The following PDS5A variants were observed in gnomAD, a reference collection of about 807,000 sequenced individuals.
The protein encoded by PDS5A is PDS5 cohesin associated factor A, also known as sister chromatid cohesion protein PDS5 homolog A.
Under a neutral mutation model 167.1 loss-of-function variants are expected in PDS5A, and 42 were observed. That is an observed-to-expected ratio of 0.25 (90% CI 0.20 to 0.33). The LOEUF (loss-of-function observed/expected upper bound fraction) is 0.33, where lower values mean the gene tolerates loss of function less well. Ranked by LOEUF, PDS5A falls within the 10% of genes least tolerant of loss-of-function variation. The pLI is 1.00. For missense variants in PDS5A, 1,033 were observed against 1,605.9 expected, an observed-to-expected ratio of 0.64 and a Z score of 6.10; for synonymous variants, 553 against 554.6, an observed-to-expected ratio of 1.00 and a Z score of 0.04.
chr4:39,875,774 T>C (rs1720412162), intron 19 of PDS5A, among the ~76,000 whole-genome samples: 1 of 152,188 alleles, frequency 6.6e-6, no homozygotes, highest in South Asian at 2.1e-4. Context: ...CTGTTTAGTC[T>C]TTCACCATTC....
chr4:39,892,093 C>CAAAACAA (rs1295633701), intron 16 of PDS5A, among the ~76,000 whole-genome samples: 5 of 151,148 alleles, frequency 3.3e-5, no homozygotes, highest in African/African-American at 1.2e-4. Context: ...GACTCTGTCT[C>CAAAACAA]AAAACAAAAA....
chr4:39,889,230 GAC>G (rs1230326988), intron 17 of PDS5A, among the ~76,000 whole-genome samples: 1 of 152,214 alleles, frequency 6.6e-6, no homozygotes, highest in Non-Finnish European at 1.5e-5. Flanking sequence ...ACCACAAGAG[GAC>G]ACAGTGAGAA....
At chr4:39,968,663 C>T (rs1411355838) in intron 2 of PDS5A, among the ~76,000 whole-genome samples, 2 of 151,758 alleles carry the variant, frequency 1.3e-5, no homozygotes, top group Non-Finnish European at 2.9e-5. Flanking sequence ...AACTCCCGAC[C>T]TCAGGTGATT....
chr4:39,857,735 G>A (rs1473032155), intron 26 of PDS5A, among the ~76,000 whole-genome samples: 1 of 152,092 alleles, frequency 6.6e-6, no homozygotes, highest in Non-Finnish European at 1.5e-5. Context: ...AAACAAGAAA[G>A]TCCCCCAATC....
chr4:39,949,408 G>A (rs552396138), intron 2 of PDS5A, among the ~76,000 whole-genome samples: 10 of 151,034 alleles, frequency 6.6e-5, no homozygotes, highest in Non-Finnish European at 1.3e-4. Context: ...CCATTTATAT[G>A]AAATGTCCAG....
At chr4:39,970,877 A>G (rs962356086) in intron 2 of PDS5A, among the ~76,000 whole-genome samples, 1 of 138,558 alleles carries the variant, frequency 7.2e-6, no homozygotes, top group African/African-American at 2.7e-5. Context: ...GGTTCACTGC[A>G]GCCCTGACCT....
At position 39,823,809 on chromosome 4, in the gene PDS5A, G is replaced by A. The variant is rs759713634; in HGVS notation, c.*1676C>T. 6.6e-6 allele frequency: 1 copy of A among 152,606 alleles called. No homozygotes were observed. The highest frequency in any genetic ancestry group is 1.5e-5 in the Non-Finnish European group (1 of 68,042). 9.5% of individuals were successfully genotyped at this position (152,606 alleles called of 1,614,324 possible). ...AGCATCTTCTGATACCTAAATGTGT[G>A]TAAATGCATATTTAAAATAATTACC... On this transcript the variant is annotated 3_prime_UTR_variant, in exon 33 of 33. Coordinates refer to ENST00000303538, the MANE Select transcript of PDS5A (RefSeq NM_001100399.2).
intron 2 of PDS5A, among the ~76,000 whole-genome samples, chr4:39,962,911 A>T (rs1167329748): frequency 1.3e-5 from 2 of 152,082 alleles, no homozygotes; most frequent in Middle Eastern, 3.2e-3. Context: ...GCAGTGAGCC[A>T]AGACTGCACC....
At chr4:39,853,589 A>C (rs1381823774) in intron 26 of PDS5A, among the ~76,000 whole-genome samples, 1 of 152,162 alleles carries the variant, frequency 6.6e-6, no homozygotes, top group Non-Finnish European at 1.5e-5. Context: ...CAGTCCTGGA[A>C]AATTATTTTT....
intron 2 of PDS5A, among the ~76,000 whole-genome samples, chr4:39,971,185 GTC>G (rs1730501177): frequency 6.6e-6 from 1 of 151,986 alleles, no homozygotes; most frequent in Non-Finnish European, 1.5e-5. Context: ...TCGAGACAGA[GTC>G]GCGCTTTGTC....
chr4:39,967,788 T>A (rs1469447396), intron 2 of PDS5A, among the ~76,000 whole-genome samples: 1 of 151,576 alleles, frequency 6.6e-6, no homozygotes, highest in African/African-American at 2.4e-5. Context: ...TGAAACCCCG[T>A]CTCTAACTAA....
At chr4:39,877,948 C>T (rs1428751275) in intron 18 of PDS5A, among the ~76,000 whole-genome samples, 1 of 152,098 alleles carries the variant, frequency 6.6e-6, no homozygotes, top group African/African-American at 2.4e-5. Context: ...AACAAAGAAG[C>T]CACTATTGTG....
At chr4:39,954,670 TAAAAAAAAAAAAAAAAA>T in intron 2 of PDS5A, among the ~76,000 whole-genome samples, 1 of 48,282 alleles carries the variant, frequency 2.1e-5, no homozygotes, top group South Asian at 7.0e-4. Flanking sequence ...AAGAGATAAG[TAAAAAAAAAAAAAAAAA>T]AAAAAAAAAA....
chr4:39,964,052 G>C (rs1393203553), intron 2 of PDS5A, among the ~76,000 whole-genome samples: 1 of 151,250 alleles, frequency 6.6e-6, no homozygotes, highest in Admixed American at 6.6e-5. Flanking sequence ...TATAAAAATT[G>C]ATTAACATAC....
chr4:39,935,847 T>C (rs1270658257), intron 2 of PDS5A, among the ~76,000 whole-genome samples: 3 of 152,200 alleles, frequency 2.0e-5, no homozygotes, highest in Non-Finnish European at 4.4e-5. Context: ...TAAAGATGCA[T>C]TTAACATTTA....
rs147481593 is a variant in PDS5A, at chr4:39,837,902, A to G, written c.3964T>C (p.Leu1322=). ...GNAKAPKLQD[L]AKKAAPAERQ... ...TCTGCTGGTGCTGCCTTTTTGGCTAAATCTTGCAGTTTGGGTGCTTTGGCA... is the reference window on the plus strand; with the variant it reads ...TCTGCTGGTGCTGCCTTTTTGGCTAGATCTTGCAGTTTGGGTGCTTTGGCA... The change falls in exon 32 of 33, where the codon TTA becomes CTA. Residue 1322 remains leucine, a synonymous_variant. Transcript: ENST00000303538. 6.2e-7 allele frequency: 1 copy of G among 1,612,492 alleles called. No homozygotes were observed. The highest frequency in any genetic ancestry group is 8.5e-7 in the Non-Finnish European group (1 of 1,179,552).
chr4:39,853,528 T>G (rs1301628669), intron 26 of PDS5A, among the ~76,000 whole-genome samples: 1 of 152,180 alleles, frequency 6.6e-6, no homozygotes, highest in Non-Finnish European at 1.5e-5. Context: ...TGCTCCTATA[T>G]CATTTAGAAA....
chr4:39,944,709 A>AC (rs1727584694), intron 2 of PDS5A, among the ~76,000 whole-genome samples: 1 of 151,744 alleles, frequency 6.6e-6, no homozygotes, highest in African/African-American at 2.4e-5. Context: ...AAAAAAAAAA[A>AC]AACAAAAAGC....
At chr4:39,843,559 G>A (rs1717258859) in intron 30 of PDS5A, among the ~76,000 whole-genome samples, 1 of 151,700 alleles carries the variant, frequency 6.6e-6, no homozygotes, top group South Asian at 2.1e-4. Flanking sequence ...TAAAAATACA[G>A]AAATTAGCTG....
Sources: gnomAD v4.1 joint callset for allele counts (sites outside exome capture counted in the v4.1 genomes callset) on GRCh38, gnomAD v4.1.1 for gene constraint, MANE v1.5 for transcripts, NCBI Gene and HGNC (gene_info 2026-07-23, HGNC 2026-07-21) for gene names.